The following CSMD1 variants were observed in gnomAD, a reference collection of about 807,000 sequenced individuals.
CSMD1 encodes CUB and Sushi multiple domains 1.
In CSMD1, 213 loss-of-function variants were observed where a neutral mutation model predicts 417.5. The ratio of observed to expected loss-of-function variants is 0.51; its 90% CI spans 0.46 to 0.57. The LOEUF is 0.57. Ranked by LOEUF, CSMD1 falls within the 20% of genes least tolerant of loss-of-function variation. The probability of loss-of-function intolerance (pLI) is 0.00; values close to 1 mark genes in which losing one functional copy is unlikely to be tolerated. For synonymous variants in CSMD1, 2,862 were observed against 1,736.8 expected, an observed-to-expected ratio of 1.65 and a Z score of -16.11; for missense variants, 6,923 against 4,529.7, an observed-to-expected ratio of 1.53 and a Z score of -15.17.
chr8:4,069,494 A>C (rs552508230), intron 3 of CSMD1, among the ~76,000 whole-genome samples: 1 of 152,300 alleles, frequency 6.6e-6, no homozygotes, highest in East Asian at 1.9e-4. Flanking sequence ...GTAAATGTGC[A>C]GACAGCCTGA....
chr8:4,907,653 A>G (rs1012584299), intron 1 of CSMD1, among the ~76,000 whole-genome samples: 2 of 152,050 alleles, frequency 1.3e-5, no homozygotes, highest in African/African-American at 4.8e-5. Flanking sequence ...TCAATTTTCC[A>G]GGCTCTAATG....
chr8:3,478,807 A>G (rs1817572131), intron 11 of CSMD1, among the ~76,000 whole-genome samples: 1 of 152,164 alleles, frequency 6.6e-6, no homozygotes, highest in Non-Finnish European at 1.5e-5. Flanking sequence ...CTTGTCGAAG[A>G]AAAAATATCT....
At chr8:3,913,045 A>G (rs1245500315) in intron 5 of CSMD1, among the ~76,000 whole-genome samples, 1 of 152,156 alleles carries the variant, frequency 6.6e-6, no homozygotes, top group Admixed American at 6.5e-5. Flanking sequence ...TCGTGACTTT[A>G]GCAGCAGGGC....
At chr8:3,684,109 TTATATAATATATAATTTATATAA>T (rs1799809571) in intron 7 of CSMD1, among the ~76,000 whole-genome samples, 1 of 107,866 alleles carries the variant, frequency 9.3e-6, no homozygotes, top group South Asian at 3.4e-4. Context: ...ATATTATATA[TTATATAATATATAATTTATATAA>T]TATATAATGC....
chr8:4,859,986 G>A lies in CSMD1; in HGVS notation c.85+134346C>T, dbSNP rs28803775. Among the ~76,000 whole-genome samples the A allele has an allele frequency of 4.3e-3, 656 of 152,058 alleles. 6 individuals carry two copies. Among genetic ancestry groups the A allele is most frequent in the East Asian group, 0.012 (63 of 5,144 alleles). ...ATATGTTTATTGCCGCGTTATTCAC[G>A]ATAGCAAAGACTTGGAACCAACCCA... On this transcript the variant is annotated intron_variant, in intron 1 of 69. Transcript: ENST00000635120.
chr8:3,054,213 T>C (rs928338898), intron 49 of CSMD1, among the ~76,000 whole-genome samples: 1 of 152,154 alleles, frequency 6.6e-6, no homozygotes, highest in Non-Finnish European at 1.5e-5. Flanking sequence ...CAATGGGAAA[T>C]TGCCAGAGAA....
At chr8:3,439,553 T>C (rs1814835630) in intron 12 of CSMD1, among the ~76,000 whole-genome samples, 1 of 151,036 alleles carries the variant, frequency 6.6e-6, no homozygotes, top group Non-Finnish European at 1.5e-5. Flanking sequence ...TCTTTATGAG[T>C]TCTTATCAGA....
chr8:3,394,094 G>A (rs777312624), intron 17 of CSMD1, among the ~76,000 whole-genome samples: 5 of 139,490 alleles, frequency 3.6e-5, no homozygotes, highest in Non-Finnish European at 7.8e-5. Flanking sequence ...TACTCTCTGA[G>A]GGGTACTCCA....
chr8:4,683,230 T>C (rs1000138687), intron 1 of CSMD1, among the ~76,000 whole-genome samples: 3 of 152,070 alleles, frequency 2.0e-5, no homozygotes, highest in African/African-American at 7.2e-5. Flanking sequence ...ATGAAGAGTC[T>C]AATGATCTCA....
At position 4,439,650 on chromosome 8, in the gene CSMD1, GT is replaced by G. The variant is rs149367662; in HGVS notation, c.303-19586del. 2.2e-4 allele frequency among the ~76,000 whole-genome samples: 33 copies of G among 152,308 alleles called. 1 individual carries two copies. In the East Asian group the frequency reaches 5.6e-3, roughly 26 times the overall value. On this transcript the variant is annotated intron_variant, in intron 2 of 69. Transcript: ENST00000635120. ...AACAGCACCATAAGGCAAAATGGAA[GT>G]TGGTAGGAGTGCGTACTATGAAAAT...
chr8:4,025,310 T>G lies in CSMD1; in HGVS notation c.610+6595A>C, dbSNP rs192174563. On this transcript the variant is annotated intron_variant, in intron 4 of 69. Coordinates refer to ENST00000635120, the MANE Select transcript of CSMD1 (RefSeq NM_033225.6). ...TCCAAAATCCACACAGTGGACCATC[T>G]TTCATGTTTTCCAGTCAGGAAGAAT... Among the ~76,000 whole-genome samples the G allele has an allele frequency of 2.0e-5, 3 of 152,338 alleles. No individual in the cohort carries two copies. The South Asian group carries it at 6.2e-4, about 32-fold the overall frequency.
chr8:3,582,163 C>G (rs1800410139), intron 9 of CSMD1, among the ~76,000 whole-genome samples: 2 of 152,198 alleles, frequency 1.3e-5, no homozygotes, highest in African/African-American at 2.4e-5. Context: ...AAAATGGTCC[C>G]TGCTGTACCG....
intron 5 of CSMD1, among the ~76,000 whole-genome samples, chr8:3,913,320 G>C (rs1808585746): frequency 6.6e-6 from 1 of 152,084 alleles, no homozygotes; most frequent in African/African-American, 2.4e-5. Flanking sequence ...GACCTGCTCA[G>C]GAGTGAGAAT....
intron 12 of CSMD1, among the ~76,000 whole-genome samples, chr8:3,449,673 A>C (rs550488959): frequency 1.3e-5 from 2 of 152,086 alleles, no homozygotes; most frequent in Non-Finnish European, 2.9e-5. Flanking sequence ...GACTGCAACC[A>C]TGCCTGGCTA....
At chr8:3,943,803 G>A (rs113287888) in intron 5 of CSMD1, among the ~76,000 whole-genome samples, 3,281 of 152,132 alleles carry the variant, frequency 0.022, 48 homozygotes, top group Non-Finnish European at 0.035. Flanking sequence ...AAAATAATTG[G>A]CCCTTACTCT....
intron 3 of CSMD1, among the ~76,000 whole-genome samples, chr8:4,364,824 C>CAA (rs60925117): frequency 1.2e-5 from 1 of 84,856 alleles, no homozygotes; most frequent in Admixed American, 1.4e-4. Flanking sequence ...GACTCCTTCT[C>CAA]AAAAAAAAAA....
chr8:3,319,128 A>C (rs1388687355), intron 23 of CSMD1, among the ~76,000 whole-genome samples: 1 of 152,188 alleles, frequency 6.6e-6, no homozygotes, highest in Non-Finnish European at 1.5e-5. Context: ...TGAAGAAGTA[A>C]CTTCCTTGCT....
chr8:4,016,364 G>C (rs1247848972), intron 4 of CSMD1, among the ~76,000 whole-genome samples: 1 of 152,056 alleles, frequency 6.6e-6, no homozygotes, highest in Non-Finnish European at 1.5e-5. Flanking sequence ...ATCTCCTCTT[G>C]CCTGAATTGG....
intron 49 of CSMD1, among the ~76,000 whole-genome samples, chr8:3,072,272 G>A (rs1813369075): frequency 6.6e-6 from 1 of 152,148 alleles, no homozygotes; most frequent in Non-Finnish European, 1.5e-5. Flanking sequence ...CTATTAAGCT[G>A]ACCAAACTAG....
Sources: gnomAD v4.1 joint callset for allele counts (sites outside exome capture counted in the v4.1 genomes callset) on GRCh38, gnomAD v4.1.1 for gene constraint, MANE v1.5 for transcripts, NCBI Gene and HGNC (gene_info 2026-07-23, HGNC 2026-07-21) for gene names.